SUMF1: variants seen among roughly 807,000 people sequenced by gnomAD.
The protein encoded by SUMF1 is sulfatase modifying factor 1.
SUMF1 carries 48 observed loss-of-function variants against 47.6 expected under a neutral mutation model. The observed-to-expected ratio is 1.01, with a 90% CI of 0.80 to 1.28. The LOEUF is 1.28. Ranked by LOEUF, SUMF1 falls within the 50% of genes most tolerant of loss-of-function variation. The probability of loss-of-function intolerance (pLI) is 0.00; values close to 1 mark genes in which losing one functional copy is unlikely to be tolerated. For missense variants in SUMF1, 571 were observed against 485.4 expected, an observed-to-expected ratio of 1.18 and a Z score of -1.66; for synonymous variants, 230 against 192.1, an observed-to-expected ratio of 1.20 and a Z score of -1.63.
At chr3:4,259,734 CA>C (rs1697044298) in intron 8 of SUMF1, among the ~76,000 whole-genome samples, 1 of 152,038 alleles carries the variant, frequency 6.6e-6, no homozygotes, top group Non-Finnish European at 1.5e-5. Context: ...AGCCTAATGG[CA>C]AAAGGCAATT....
chr3:4,133,022 C>T (rs2125088598), intron 8 of SUMF1, among the ~76,000 whole-genome samples: 1 of 152,158 alleles, frequency 6.6e-6, no homozygotes, highest in African/African-American at 2.4e-5. Flanking sequence ...TTGGTGAAGG[C>T]AAAGGGAATA....
chr3:4,253,496 G>A (rs549268716), intron 8 of SUMF1, among the ~76,000 whole-genome samples: 1 of 152,058 alleles, frequency 6.6e-6, no homozygotes, highest in African/African-American at 2.4e-5. Context: ...AAAGAAAGGG[G>A]TGACGGACGC....
At chr3:4,228,680 T>A (rs1408472356) in intron 8 of SUMF1, among the ~76,000 whole-genome samples, 1 of 152,134 alleles carries the variant, frequency 6.6e-6, no homozygotes, top group Non-Finnish European at 1.5e-5. Context: ...TATTCTTTCC[T>A]CCAGCTTTCC....
At chr3:4,131,022 G>A (rs752385486) in intron 8 of SUMF1, among the ~76,000 whole-genome samples, 4 of 152,218 alleles carry the variant, frequency 2.6e-5, no homozygotes, top group Non-Finnish European at 5.9e-5. Context: ...TTGGAGCAAG[G>A]CCCTGCCATC....
intron 8 of SUMF1, among the ~76,000 whole-genome samples, chr3:4,146,160 C>T (rs1264522039): frequency 6.6e-6 from 1 of 151,880 alleles, no homozygotes; most frequent in African/African-American, 2.4e-5. Context: ...AAGAATCGCA[C>T]GTGTGTTCTG....
chr3:4,123,637 G>C (rs191172497), intron 8 of SUMF1, among the ~76,000 whole-genome samples: 2 of 152,268 alleles, frequency 1.3e-5, no homozygotes, highest in South Asian at 2.1e-4. Flanking sequence ...AACTAGGAAA[G>C]TAGCACAGTA....
At chr3:4,221,093 T>C (rs1398908032) in intron 8 of SUMF1, among the ~76,000 whole-genome samples, 1 of 152,168 alleles carries the variant, frequency 6.6e-6, no homozygotes, top group Admixed American at 6.5e-5. Flanking sequence ...CACCTTAGCA[T>C]CTGGTCACAT....
At chr3:4,253,662 C>G (rs1485785927) in intron 8 of SUMF1, among the ~76,000 whole-genome samples, 1 of 151,658 alleles carries the variant, frequency 6.6e-6, no homozygotes, top group Admixed American at 6.6e-5. Flanking sequence ...GATCAAACTG[C>G]AAGGCGGCAG....
At chr3:4,274,317 G>A (rs1697370014) in intron 8 of SUMF1, among the ~76,000 whole-genome samples, 1 of 151,990 alleles carries the variant, frequency 6.6e-6, no homozygotes, top group South Asian at 2.1e-4. Context: ...TAAATTTGTA[G>A]GGGGCAAAGG....
intron 8 of SUMF1, among the ~76,000 whole-genome samples, chr3:4,340,664 A>T (rs938257968): frequency 6.6e-6 from 1 of 152,196 alleles, no homozygotes; most frequent in African/African-American, 2.4e-5. Flanking sequence ...AGAAAAACAG[A>T]GAGATTCAAG....
chr3:4,448,289 T>C (rs551422405), intron 3 of SUMF1, among the ~76,000 whole-genome samples: 36 of 152,288 alleles, frequency 2.4e-4, no homozygotes, highest in African/African-American at 8.4e-4. Context: ...CAGTTTCGTT[T>C]TTCTTGCACT....
chr3:4,172,548 A>G (rs1264691259), intron 8 of SUMF1, among the ~76,000 whole-genome samples: 1 of 152,156 alleles, frequency 6.6e-6, no homozygotes, highest in Non-Finnish European at 1.5e-5. Flanking sequence ...TGCTTTACAG[A>G]TGAGGAAAGT....
chr3:4,263,943 A>C (rs1697137792), intron 8 of SUMF1, among the ~76,000 whole-genome samples: 1 of 152,220 alleles, frequency 6.6e-6, no homozygotes, highest in Non-Finnish European at 1.5e-5. Flanking sequence ...AAGAAGATAG[A>C]CTTGTTCCTC....
At chr3:4,294,864 T>A (rs1697814934) in intron 8 of SUMF1, among the ~76,000 whole-genome samples, 1 of 144,764 alleles carries the variant, frequency 6.9e-6, no homozygotes, top group South Asian at 2.1e-4. Flanking sequence ...GAGCGAGGTC[T>A]TTTTGGACTA....
rs1263252875 is a variant in SUMF1, at chr3:4,385,982, T to A, written c.955-9593A>T. Among the ~76,000 whole-genome samples, 3 of 152,246 alleles carry A rather than the reference T, an allele frequency of 2.0e-5. No individual in the cohort carries two copies. In the East Asian group the frequency reaches 5.8e-4, roughly 29 times the overall value. ...TTCTGGATTCTCTATTTTGTTCCACTGATCTATAAGCATATCCCTCCACCA... is the reference window on the plus strand; with the variant it reads ...TTCTGGATTCTCTATTTTGTTCCACAGATCTATAAGCATATCCCTCCACCA... On this transcript the variant is annotated intron_variant, in intron 7 of 8. Coordinates refer to ENST00000272902, the MANE Select transcript of SUMF1 (RefSeq NM_182760.4).
intron 8 of SUMF1, among the ~76,000 whole-genome samples, chr3:4,089,578 T>C (rs1692741266): frequency 6.6e-6 from 1 of 152,104 alleles, no homozygotes; most frequent in Non-Finnish European, 1.5e-5. Context: ...CTCCAGGGAT[T>C]ATGAATAAAT....
At chr3:4,039,233 T>TTTTTTTTTTG in intron 9 of SUMF1, among the ~76,000 whole-genome samples, 1 of 127,264 alleles carries the variant, frequency 7.9e-6, no homozygotes, top group Non-Finnish European at 1.6e-5. Flanking sequence ...TTTTTTTTTT[T>TTTTTTTTTTG]TATTATACTC....
At chr3:4,271,257 A>G (rs1697295943) in intron 8 of SUMF1, among the ~76,000 whole-genome samples, 2 of 152,192 alleles carry the variant, frequency 1.3e-5, no homozygotes, top group Admixed American at 6.5e-5. Context: ...GGAGCAAGGT[A>G]TAATAAAAAG....
In SUMF1 at chr3:4,313,640, T is replaced by A. The variant is rs772196355; in HGVS notation, c.1014+62690A>T. 44 of 1,613,994 alleles carry A rather than the reference T, an allele frequency of 2.7e-5. No individual in the cohort carries two copies. The highest frequency in any genetic ancestry group is 3.5e-5 in the Non-Finnish European group (41 of 1,180,002). ...AAATCATGTACTGCTTTCCTGCCTTTTGACAGTTCTCTGTACTGCCCCGTA... is the reference window on the plus strand; with the variant it reads ...AAATCATGTACTGCTTTCCTGCCTTATGACAGTTCTCTGTACTGCCCCGTA... On this transcript the variant is annotated intron_variant and NMD_transcript_variant, in intron 8 of 12. Coordinates refer to the SUMF1 transcript ENST00000448413.
Sources: allele counts gnomAD v4.1 joint callset (sites outside exome capture counted in the v4.1 genomes callset), GRCh38; gene constraint gnomAD v4.1.1; transcripts MANE v1.5; gene names NCBI Gene and HGNC (gene_info 2026-07-23, HGNC 2026-07-21).